Variants in TTBK2 observed in about 807,000 individuals in gnomAD.
TTBK2 encodes the protein tau-tubulin kinase 2.
In TTBK2, 28 loss-of-function variants were observed where a neutral mutation model predicts 110.8. The ratio of observed to expected loss-of-function variants is 0.25; its 90% CI spans 0.19 to 0.35. The LOEUF is 0.35. Ranked by LOEUF, TTBK2 falls within the 10% of genes least tolerant of loss-of-function variation. The pLI is 1.00. For missense variants in TTBK2, 1,369 were observed against 1,500.3 expected (o/e 0.91, Z 1.45); for synonymous variants, 532 against 527.3 (o/e 1.01, Z -0.12).
At position 42,840,382 on chromosome 15, in the gene TTBK2, T is replaced by C; in HGVS notation, c.269A>G (p.Asn90Ser). 6.2e-7 allele frequency: 1 copy of C among 1,614,054 alleles called. No individual in the cohort carries two copies. The highest frequency in any genetic ancestry group is 8.5e-7 in the Non-Finnish European group (1 of 1,179,956). ...FIGCGRNDRF[N>S]YVVMQLQGRN... Reference sequence around the variant, plus strand: ...TACCTGCAACTGCATGACCACATAGTTGAATCGATCATTCCTCCCACAGCC... The same window carrying C: ...TACCTGCAACTGCATGACCACATAGCTGAATCGATCATTCCTCCCACAGCC... Residue 90 changes from asparagine (N) to serine (S), a missense_variant, in exon 4 of 15, where the codon AAC (asparagine) becomes AGC (serine). Asn to Ser is a conservative substitution (Grantham distance 46). Around this residue, in one of 4 missense-constraint regions of TTBK2, gnomAD observed 122 missense variants for 159.7 expected, o/e 0.76. Coordinates refer to ENST00000267890, the MANE Select transcript of TTBK2 (RefSeq NM_173500.4).
chr15:42,881,143 C>T (rs1895024326), intron 1 of TTBK2, among the ~76,000 whole-genome samples: 1 of 151,456 alleles, frequency 6.6e-6, no homozygotes, highest in African/African-American at 2.4e-5. Context: ...TTAGGCAAGG[C>T]GTGGTGGCAG....
intron 13 of TTBK2, among the ~76,000 whole-genome samples, chr15:42,756,079 C>G (rs2061941408): frequency 6.6e-6 from 1 of 151,626 alleles, no homozygotes; most frequent in Non-Finnish European, 1.5e-5. Flanking sequence ...CGCCTGTAAT[C>G]CCAGCTTCTC....
Position 42,777,178 on chromosome 15 carries a change from C to G in TTBK2, c.1262G>C (p.Gly421Ala), listed in dbSNP as rs1394321792. The change falls in exon 12 of 15, where the codon GGG becomes GCG. Residue 421 changes from glycine to alanine, a missense_variant. Gly to Ala is a moderately conservative substitution (Grantham distance 60). Coordinates refer to ENST00000267890, the MANE Select transcript of TTBK2 (RefSeq NM_173500.4). ...CTCTGAGCGGACACGAATTGGTGACCCAAGGCTTGGAGCATTGAGAAGACC... is the reference window on the plus strand; with the variant it reads ...CTCTGAGCGGACACGAATTGGTGACGCAAGGCTTGGAGCATTGAGAAGACC... Reference protein sequence around the residue: ...ANGLLNAPSLGSPIRVRSEIT... With the variant: ...ANGLLNAPSLASPIRVRSEIT... 3.7e-6 allele frequency: 6 copies of G among 1,614,014 alleles called. No individual in the cohort carries two copies. Among genetic ancestry groups the G allele is most frequent in the Non-Finnish European group, 5.1e-6 (6 of 1,180,042 alleles).
chr15:42,786,979 T>C (rs1346029205), intron 10 of TTBK2, among the ~76,000 whole-genome samples: 2 of 152,198 alleles, frequency 1.3e-5, no homozygotes, highest in Non-Finnish European at 2.9e-5. Context: ...ATTATATAAC[T>C]GAAGCAGATT....
At chr15:42,796,422 GAT>G (rs1890946907) in intron 9 of TTBK2, among the ~76,000 whole-genome samples, 3 of 151,968 alleles carry the variant, frequency 2.0e-5, no homozygotes, top group South Asian at 2.1e-4. Flanking sequence ...GAGAGAGAGA[GAT>G]ATTATTTAAA....
At chr15:42,762,926 C>T (rs537993876) in intron 13 of TTBK2, among the ~76,000 whole-genome samples, 37 of 149,164 alleles carry the variant, frequency 2.5e-4, no homozygotes, top group Non-Finnish European at 4.0e-4. Flanking sequence ...GTTGATTTTA[C>T]GTAAGTAAAA....
chr15:42,798,378 A>G, intron 9 of TTBK2: 1 of 447,876 alleles, frequency 2.2e-6, no homozygotes, highest in Non-Finnish European at 4.5e-6. Flanking sequence ...CTGAAAATCT[A>G]GTATACATCT....
chr15:42,920,691 G>T lies in TTBK2; in HGVS notation c.-321C>A, dbSNP rs760435890. 109 of 154,924 alleles carry T rather than the reference G, an allele frequency of 7.0e-4. No individual in the cohort carries two copies. The highest frequency in any genetic ancestry group is 1.3e-3 in the Non-Finnish European group (89 of 70,264). The allele number at this position is 154,924 out of a possible 1,614,324, so 9.6% of individuals were successfully genotyped here. ...CTGCTGCTGCCGGCTCCCCCAAGCC[G>T]CTGCTCTTGTGCCAGCACCTGCTCC... On this transcript the variant is annotated 5_prime_UTR_variant, in exon 1 of 15. Transcript: ENST00000267890.
At chr15:42,894,504 T>C (rs1895588250) in intron 1 of TTBK2, among the ~76,000 whole-genome samples, 1 of 152,086 alleles carries the variant, frequency 6.6e-6, no homozygotes, top group South Asian at 2.1e-4. Context: ...GTAATCTTAG[T>C]ACTGTGGGAG....
chr15:42,778,050 A>C (rs558501123), intron 11 of TTBK2, among the ~76,000 whole-genome samples: 3 of 152,144 alleles, frequency 2.0e-5, no homozygotes, highest in Non-Finnish European at 4.4e-5. Flanking sequence ...TCAATACATG[A>C]GAAGGCCTGC....
intron 6 of TTBK2, among the ~76,000 whole-genome samples, chr15:42,820,618 T>G (rs754360508): frequency 2.0e-4 from 31 of 152,142 alleles, no homozygotes; most frequent in Non-Finnish European, 4.3e-4. Flanking sequence ...AAAGATTTTG[T>G]GCAACCTAAA....
intron 3 of TTBK2, among the ~76,000 whole-genome samples, chr15:42,863,985 A>T (rs1894261894): frequency 6.6e-6 from 1 of 152,206 alleles, no homozygotes; most frequent in Non-Finnish European, 1.5e-5. Context: ...ATCCTAAAAG[A>T]AAACCTAGGA....
At chr15:42,749,796 A>G (rs1289830584) in intron 14 of TTBK2, among the ~76,000 whole-genome samples, 13 of 152,184 alleles carry the variant, frequency 8.5e-5, no homozygotes, top group African/African-American at 3.1e-4. Flanking sequence ...CCAACCACAT[A>G]TACTGGGGAA....
chr15:42,905,166 A>C (rs1351835154), intron 1 of TTBK2, among the ~76,000 whole-genome samples: 1 of 151,972 alleles, frequency 6.6e-6, no homozygotes, highest in Non-Finnish European at 1.5e-5. Context: ...GTGCCACCAC[A>C]CTTGGCCCCA....
chr15:42,817,648 ACACC>A (rs1357964047), intron 6 of TTBK2, among the ~76,000 whole-genome samples: 4 of 152,232 alleles, frequency 2.6e-5, no homozygotes, highest in Admixed American at 1.3e-4. Context: ...ACTAGAAATA[ACACC>A]AACATGAAAA....
intron 1 of TTBK2, among the ~76,000 whole-genome samples, 158 bp downstream of exon 1, chr15:42,920,280 C>T (rs1362339665): frequency 2.0e-5 from 3 of 152,152 alleles, no homozygotes; most frequent in Admixed American, 1.3e-4. Context: ...TGGAGAGTGA[C>T]GGGGTCTGGC....
chr15:42,754,630 T>TA (rs1211226357), intron 13 of TTBK2, among the ~76,000 whole-genome samples: 1 of 145,808 alleles, frequency 6.9e-6, no homozygotes, highest in Admixed American at 6.8e-5. Flanking sequence ...CTCCCGACCT[T>TA]AGGTGATCCA....
chr15:42,840,287 A>C, intron 4 of TTBK2, 73 bp downstream of exon 4: 31 of 1,163,710 alleles, frequency 2.7e-5, no homozygotes, highest in Non-Finnish European at 3.5e-5. Flanking sequence ...GTTACTTTTT[A>C]TTCATATTCA....
chr15:42,818,904 C>G (rs1254530060), intron 6 of TTBK2, among the ~76,000 whole-genome samples: 2 of 142,406 alleles, frequency 1.4e-5, no homozygotes, highest in African/African-American at 5.1e-5. Flanking sequence ...GCCTGGGCGA[C>G]AGAGCGAGAC....
Sources: allele counts gnomAD v4.1 joint callset (sites outside exome capture counted in the v4.1 genomes callset), GRCh38; gene constraint gnomAD v4.1.1; regional missense constraint gnomAD v4.1.1; transcripts MANE v1.5; gene names NCBI Gene and HGNC (gene_info 2026-07-23, HGNC 2026-07-21).